Variants in PCDHA8 observed in about 807,000 individuals in gnomAD.
PCDHA8 encodes protocadherin alpha 8.
A neutral mutation model predicts 61.8 loss-of-function variants in PCDHA8; 53 were observed. The observed-to-expected ratio is 0.86, with a 90% CI of 0.69 to 1.08. The LOEUF (loss-of-function observed/expected upper bound fraction) is 1.08. PCDHA8 is among the 50% of genes least tolerant of loss of function. PCDHA8 has a pLI of 0.00. For synonymous variants in PCDHA8, 618 were observed against 556.6 expected (o/e 1.11, Z -1.55); for missense variants, 1,293 against 1,245.0 (o/e 1.04, Z -0.58).
chr5:140,928,474 C>T, intron 1 of PCDHA8: 1 of 1,614,090 alleles, frequency 6.2e-7, no homozygotes, highest in Non-Finnish European at 8.5e-7. Flanking sequence ...AGTAGAAGGC[C>T]GGGATGGTGG....
At chr5:140,969,175 T>C in intron 1 of PCDHA8, 7 of 1,613,046 alleles carry the variant, frequency 4.3e-6, no homozygotes, top group Non-Finnish European at 5.9e-6. Context: ...GCTCAGGGAG[T>C]GACACTTTCA....
At chr5:140,962,126 C>A (rs1429316991) in intron 1 of PCDHA8, among the ~76,000 whole-genome samples, 1 of 152,094 alleles carries the variant, frequency 6.6e-6, no homozygotes. Flanking sequence ...ACCTTGGCCT[C>A]GGCCTCCCAA....
chr5:140,886,102 G>A (rs1040004596), intron 1 of PCDHA8, among the ~76,000 whole-genome samples: 17 of 152,136 alleles, frequency 1.1e-4, no homozygotes, highest in Admixed American at 1.3e-4. Flanking sequence ...CATTGATACA[G>A]TAAAGAAGTA....
chr5:140,927,366 A>G (rs782348018), intron 1 of PCDHA8: 29 of 1,614,088 alleles, frequency 1.8e-5, no homozygotes, highest in Admixed American at 1.7e-4. Context: ...GCAATGGGAT[A>G]CTAAGCTACA....
rs140234108 is a variant in PCDHA8, at chr5:140,845,054, G to A, written c.2394+1339G>A. 4.2e-4 allele frequency among the ~76,000 whole-genome samples: 62 copies of A among 149,352 alleles called. 3 individuals are homozygous for A. The highest frequency in any genetic ancestry group is 7.5e-4 in the Non-Finnish European group (50 of 66,646). ...ATTTTAGCCCCCTTGTCCAACTGAA[G>A]GTAACCTCAAAGCAGCATTGTTTTG... On this transcript the variant is annotated intron_variant, in intron 1 of 3. Transcript: ENST00000531613.
chr5:140,857,059 G>A lies in PCDHA8; in HGVS notation c.2394+13344G>A. On this transcript the variant is annotated intron_variant, in intron 1 of 3. Transcript: ENST00000531613. The stretch of plus-strand genomic sequence containing the variant: ...TGGTTGGTCACTGCACGGTCCTAGT[G>A]GAACTACTGGATGAAAATGATAATT... The A allele has an allele frequency of 4.4e-6, 7 of 1,594,522 alleles. 2 individuals are homozygous for A. The highest frequency in any genetic ancestry group is 6.0e-6 in the Non-Finnish European group (7 of 1,164,610).
At chr5:140,968,992 T>C in intron 1 of PCDHA8, 1 of 1,614,220 alleles carries the variant, frequency 6.2e-7, no homozygotes, top group Non-Finnish European at 8.5e-7. Flanking sequence ...CTGCATGCTG[T>C]GGAGGCTTCT....
intron 1 of PCDHA8, among the ~76,000 whole-genome samples, chr5:140,881,872 A>C (rs907896928): frequency 6.6e-6 from 1 of 152,240 alleles, no homozygotes; most frequent in South Asian, 2.1e-4. Context: ...TTGTGGCAAA[A>C]TGAAACTCAT....
chr5:140,875,687 G>T, intron 1 of PCDHA8: 10 of 1,614,012 alleles, frequency 6.2e-6, no homozygotes, highest in Non-Finnish European at 8.5e-6. Context: ...AAAAGACACG[G>T]GGACCTTCTG....
intron 1 of PCDHA8, among the ~76,000 whole-genome samples, chr5:140,872,414 C>T (rs138959813): frequency 1.3e-5 from 2 of 152,128 alleles, no homozygotes; most frequent in East Asian, 1.9e-4. Context: ...ATTGCTTGAG[C>T]CCAAGAGTTC....
chr5:140,862,621 C>T, intron 1 of PCDHA8: 1 of 528,720 alleles, frequency 1.9e-6, no homozygotes. Flanking sequence ...TAACAACCCG[C>T]GGGGCTGCCA....
intron 1 of PCDHA8, among the ~76,000 whole-genome samples, chr5:140,946,167 T>C (rs2153672434): frequency 6.6e-6 from 1 of 151,842 alleles, no homozygotes; most frequent in South Asian, 2.1e-4. Context: ...AAAAGATGGG[T>C]AAAGGATGTG....
chr5:140,884,176 T>G, intron 1 of PCDHA8: 1 of 1,613,372 alleles, frequency 6.2e-7, no homozygotes, highest in Non-Finnish European at 8.5e-7. Flanking sequence ...CGACGCGCCC[T>G]CTGGACGAGG....
rs1040454233 is a variant in PCDHA8 at position 140,868,818 on chromosome 5, T to C, written c.2394+25103T>C. On this transcript the variant is annotated intron_variant, in intron 1 of 3. Transcript: ENST00000531613. ...CATAAATAAGCACGTTGGAAATATT[T>C]GGGGGAAGAAACCCAAAACACGTGA... 30 of 385,940 alleles carry C rather than the reference T, an allele frequency of 7.8e-5. No individual in the cohort carries two copies. The East Asian group carries it at 1.3e-3, about 16-fold the overall frequency. 23.9% of individuals were successfully genotyped at this position (385,940 alleles called of 1,614,324 possible).
intron 1 of PCDHA8, chr5:140,868,074 T>C (rs1554161742): frequency 6.6e-6 from 1 of 152,138 alleles, no homozygotes; most frequent in Non-Finnish European, 1.5e-5. Context: ...AGGGTGATTT[T>C]ATTTATTTTA....
In PCDHA8 at chr5:140,843,662, G is replaced by T; in HGVS notation, c.2341G>T (p.Gly781Ter). 6.3e-7 allele frequency: 1 copy of T among 1,593,858 alleles called. No individual in the cohort carries two copies. Among genetic ancestry groups the T allele is most frequent in the South Asian group, 1.1e-5 (1 of 90,456 alleles). Residue 781 changes from glycine (G) to a stop codon, truncating the protein, a stop_gained, in exon 1 of 4, where the codon GGA becomes TGA. Transcript: ENST00000531613. LOFTEE classifies it high-confidence loss of function. The part of the protein sequence containing the change: ...AFSPCLPPDL[G>*]SVDVGEEQDL... ...CAGCCCCTGCCTTCCTCCTGATCTGGGATCAGTTGATGTAGGCGAAGAGCA... is the reference window on the plus strand; with the variant it reads ...CAGCCCCTGCCTTCCTCCTGATCTGTGATCAGTTGATGTAGGCGAAGAGCA...
At chr5:140,989,970 A>C (rs2097368842) in intron 3 of PCDHA8, among the ~76,000 whole-genome samples, 1 of 152,136 alleles carries the variant, frequency 6.6e-6, no homozygotes, top group Non-Finnish European at 1.5e-5. Flanking sequence ...GAGCTTCCTC[A>C]GCAACAGCCC....
At chr5:140,969,963 AT>A (rs2096372822) in intron 1 of PCDHA8, among the ~76,000 whole-genome samples, 1 of 152,204 alleles carries the variant, frequency 6.6e-6, no homozygotes. Context: ...CTTTGGCTGT[AT>A]GATGTGGCAA....
chr5:140,883,294 T>A (rs782475623), intron 1 of PCDHA8: 6 of 1,613,956 alleles, frequency 3.7e-6, no homozygotes, highest in Non-Finnish European at 4.2e-6. Context: ...AAGTACTAGA[T>A]GTAAATGATA....
Sources: allele counts gnomAD v4.1 joint callset (sites outside exome capture counted in the v4.1 genomes callset), GRCh38; gene constraint gnomAD v4.1.1; transcripts MANE v1.5; gene names NCBI Gene and HGNC (gene_info 2026-07-23, HGNC 2026-07-21).